Variants in CDH18 observed in about 807,000 individuals in gnomAD.
CDH18 encodes the protein cadherin-18.
CDH18 carries 31 observed loss-of-function variants against 67.9 expected under a neutral mutation model. The observed-to-expected ratio is 0.46, with a 90% CI of 0.34 to 0.62. CDH18 has a LOEUF of 0.62. Among genes scored for constraint, CDH18 ranks in the 20% least tolerant of loss-of-function variants. The probability of loss-of-function intolerance (pLI) is 0.01; values close to 1 mark genes in which losing one functional copy is unlikely to be tolerated. For missense variants in CDH18, 890 were observed against 975.5 expected (o/e 0.91, Z 1.17); for synonymous variants, 362 against 347.2 (o/e 1.04, Z -0.48).
At chr5:19,900,475 G>A (rs574827102) in intron 2 of CDH18, among the ~76,000 whole-genome samples, 3 of 151,996 alleles carry the variant, frequency 2.0e-5, no homozygotes, top group South Asian at 2.1e-4. Context: ...ACCCTGATTC[G>A]ATCATTGCAC....
intron 1 of CDH18, among the ~76,000 whole-genome samples, chr5:20,464,811 A>C (rs1751526056): frequency 2.6e-5 from 4 of 152,256 alleles, no homozygotes; most frequent in African/African-American, 9.6e-5. Context: ...GCTATAAATA[A>C]AACCCTGGGA....
chr5:20,208,951 T>TA (rs1218681201), intron 2 of CDH18, among the ~76,000 whole-genome samples: 1 of 152,024 alleles, frequency 6.6e-6, no homozygotes, highest in Non-Finnish European at 1.5e-5. Context: ...TCTGAATAGA[T>TA]ATTTCGCAAA....
intron 1 of CDH18, among the ~76,000 whole-genome samples, chr5:20,539,962 C>A (rs2126584968): frequency 6.6e-6 from 1 of 152,252 alleles, no homozygotes; most frequent in East Asian, 1.9e-4. Context: ...ATTTTAATGT[C>A]TAAACTGTCC....
At chr5:20,454,204 A>T (rs987609584) in intron 1 of CDH18, among the ~76,000 whole-genome samples, 1 of 152,080 alleles carries the variant, frequency 6.6e-6, no homozygotes, top group African/African-American at 2.4e-5. Context: ...GCTGACAACA[A>T]GAAATCTGGG....
chr5:20,225,696 G>A (rs931880123), intron 2 of CDH18, among the ~76,000 whole-genome samples: 1 of 152,104 alleles, frequency 6.6e-6, no homozygotes, highest in African/African-American at 2.4e-5. Context: ...GTGATGTCAA[G>A]TACAGGAGAG....
intron 2 of CDH18, among the ~76,000 whole-genome samples, chr5:20,251,300 CA>C (rs1465290685): frequency 6.6e-6 from 1 of 151,818 alleles, no homozygotes; most frequent in Non-Finnish European, 1.5e-5. Context: ...AAGGTTGATG[CA>C]ATTTTTTTCA....
Position 19,898,547 on chromosome 5 carries a change from A to T in CDH18, c.-256-59305T>A, listed in dbSNP as rs191741084. Among the ~76,000 whole-genome samples, 569 of 151,476 alleles carry T rather than the reference A, an allele frequency of 3.8e-3. 5 individuals carry two copies. The highest frequency in any genetic ancestry group is 0.012 in the African/African-American group (478 of 41,098). On this transcript the variant is annotated intron_variant, in intron 2 of 12. Coordinates refer to ENST00000382275, the MANE Select transcript of CDH18 (RefSeq NM_004934.5). Reference sequence around the variant, plus strand: ...TACTAATAAAGGGTTAGTTTTTTTTAAAAAAAGGGTATGTCCATGTAAAGG... The same window carrying T: ...TACTAATAAAGGGTTAGTTTTTTTTTAAAAAAGGGTATGTCCATGTAAAGG...
At chr5:20,172,209 T>C (rs1347185189) in intron 2 of CDH18, among the ~76,000 whole-genome samples, 2 of 66,478 alleles carry the variant, frequency 3.0e-5, no homozygotes, top group African/African-American at 7.4e-5. Context: ...TATATATATA[T>C]ATATATATAT....
intron 5 of CDH18, among the ~76,000 whole-genome samples, chr5:19,707,910 C>A (rs2100095): frequency 0.97 from 147,266 of 152,288 alleles, 71,394 homozygotes; most frequent in Middle Eastern, 1. Flanking sequence ...CTTGAATTGC[C>A]CTTCTCCATC....
intron 6 of CDH18, among the ~76,000 whole-genome samples, chr5:19,600,200 GT>G (rs1390411066): frequency 1.4e-5 from 2 of 140,660 alleles, no homozygotes; most frequent in African/African-American, 5.2e-5. Flanking sequence ...GGGGCCTGTC[GT>G]GGGTGGGGGA....
At chr5:19,960,604 C>T (rs867215250) in intron 2 of CDH18, among the ~76,000 whole-genome samples, 25 of 114,094 alleles carry the variant, frequency 2.2e-4, no homozygotes, top group Non-Finnish European at 3.2e-4. Flanking sequence ...TATATATATA[C>T]ACACACGTGT....
chr5:20,384,726 C>A (rs549522691), intron 1 of CDH18, among the ~76,000 whole-genome samples: 43 of 152,258 alleles, frequency 2.8e-4, no homozygotes, highest in African/African-American at 9.9e-4. Flanking sequence ...ATTCCAATTT[C>A]TCTGCATCCT....
chr5:20,378,963 A>T (rs1173482023), intron 1 of CDH18, among the ~76,000 whole-genome samples: 1 of 152,174 alleles, frequency 6.6e-6, no homozygotes, highest in Non-Finnish European at 1.5e-5. Flanking sequence ...AACCTTCTGG[A>T]AAAGATTGCA....
intron 1 of CDH18, among the ~76,000 whole-genome samples, chr5:20,367,877 T>C (rs531310767): frequency 3.9e-5 from 6 of 152,210 alleles, no homozygotes; most frequent in Non-Finnish European, 7.3e-5. Context: ...TCCATTTCCA[T>C]AGAGGAGTGT....
Position 19,656,929 on chromosome 5 carries a change from A to G in CDH18, c.644-44328T>C, listed in dbSNP as rs144673882. Among the ~76,000 whole-genome samples, 749 of 151,972 alleles carry G rather than the reference A, an allele frequency of 4.9e-3. 3 individuals carry two copies. The highest frequency in any genetic ancestry group is 8.3e-3 in the Non-Finnish European group (566 of 67,902). ...CGGTGGGAGAAAACCATTTATTTAT[A>G]CAACTACCTACTAGCAAGTTGGGAT... On this transcript the variant is annotated intron_variant, in intron 5 of 12. Transcript: ENST00000382275.
intron 5 of CDH18, among the ~76,000 whole-genome samples, chr5:19,641,939 T>C (rs1057276951): frequency 2.0e-5 from 3 of 151,780 alleles, no homozygotes; most frequent in African/African-American, 7.3e-5. Flanking sequence ...TATGTAGAGG[T>C]ACTAAACAAC....
At chr5:19,682,698 C>A (rs1760512243) in intron 5 of CDH18, among the ~76,000 whole-genome samples, 1 of 152,046 alleles carries the variant, frequency 6.6e-6, no homozygotes, top group Admixed American at 6.6e-5. Flanking sequence ...ATGTCTTTGA[C>A]AGACTCCTTA....
intron 2 of CDH18, among the ~76,000 whole-genome samples, chr5:20,067,464 A>G (rs997088007): frequency 6.6e-6 from 1 of 152,082 alleles, no homozygotes; most frequent in East Asian, 1.9e-4. Context: ...ACCAAAAACA[A>G]TCCTCTAACA....
chr5:19,923,776 C>T (rs1424245531), intron 2 of CDH18, among the ~76,000 whole-genome samples: 1 of 152,100 alleles, frequency 6.6e-6, no homozygotes, highest in Non-Finnish European at 1.5e-5. Context: ...AATCTGCAGC[C>T]AAACTTAAAG....
Sources: gnomAD v4.1 joint callset for allele counts (sites outside exome capture counted in the v4.1 genomes callset) on GRCh38, gnomAD v4.1.1 for gene constraint, MANE v1.5 for transcripts, NCBI Gene and HGNC (gene_info 2026-07-23, HGNC 2026-07-21) for gene names.